The following OR4C11 variants were observed in gnomAD, a reference collection of about 807,000 sequenced individuals.
OR4C11 encodes the protein olfactory receptor family 4 subfamily C member 11, also known as olfactory receptor 4C11.
A neutral mutation model predicts 14.7 loss-of-function variants in OR4C11; 15 were observed. The ratio of observed to expected loss-of-function variants is 1.02; its 90% CI spans 0.68 to 1.58. OR4C11 has a LOEUF of 1.58. Ranked by LOEUF, OR4C11 falls within the 40% of genes most tolerant of loss-of-function variation. OR4C11 has a pLI of 0.00. For synonymous variants in OR4C11, 146 were observed against 135.0 expected, an observed-to-expected ratio of 1.08 and a Z score of -0.57; for missense variants, 473 against 383.0, an observed-to-expected ratio of 1.24 and a Z score of -1.96.
Position 55,605,469 on chromosome 11 carries a change from C to T in OR4C11, c.-206-182G>A, listed in dbSNP as rs555065816. ...TCTTATGAATCCCATATCCTGACTT[C>T]AAGAAAGAGAAGTTAAATATATAAT... On this transcript the variant is annotated intron_variant, in intron 2 of 3. Transcript: ENST00000641580. Among the ~76,000 whole-genome samples the T allele has an allele frequency of 8.7e-5, 12 of 137,786 alleles. 3 individuals carry two copies. The highest frequency in any genetic ancestry group is 2.5e-4 in the African/African-American group (10 of 39,572). The allele number at this position is 137,786 out of a possible 152,430, so 90.4% of individuals were successfully genotyped here.
chr11:55,605,088 C>A (rs1320321753), intron 3 of OR4C11, 38 bp downstream of exon 3: 1 of 138,366 alleles, frequency 7.2e-6, no homozygotes, highest in Non-Finnish European at 1.6e-5. Flanking sequence ...ATTATTTTAA[C>A]CTCTTGCCTT....
intron 2 of OR4C11, among the ~76,000 whole-genome samples, chr11:55,605,604 C>T (rs542451878): frequency 1.4e-5 from 2 of 138,022 alleles, no homozygotes; most frequent in Non-Finnish European, 3.2e-5. Flanking sequence ...AGGGAAGTGT[C>T]AATATGATAA....
In OR4C11 at chr11:55,604,109, T is replaced by C; in HGVS notation, c.265A>G (p.Ile89Val). ...GTCATGCACTCATTGTAGGTTATAA[T>C]TTTCTTTTCAGAGAGAGCATCCACA... is the stretch of plus-strand genomic sequence containing the variant. ...LIVDALSEKK[I>V]ITYNECMTQV... is the part of the protein sequence containing the mutation. Residue 89 changes from isoleucine (I) to valine (V), a missense_variant, in exon 4 of 4, where the codon ATT becomes GTT. Coordinates refer to ENST00000641580, the MANE Select transcript of OR4C11 (RefSeq NM_001004700.3). 6.7e-7 allele frequency: 1 copy of C among 1,483,956 alleles called. No homozygotes were observed. The highest frequency in any genetic ancestry group is 9.2e-7 in the Non-Finnish European group (1 of 1,091,116). The allele number at this position is 1,483,956 out of a possible 1,614,324, so 91.9% of individuals were successfully genotyped here.
In OR4C11 at chr11:55,603,594, CG is replaced by C. The variant is rs764963140; in HGVS notation, c.779del (p.Pro260ArgfsTer28). 2.7e-6 allele frequency: 4 copies of C among 1,483,702 alleles called. 1 individual carries two copies. Among genetic ancestry groups the C allele is most frequent in the Middle Eastern group, 3.8e-4 (2 of 5,276 alleles). 91.9% of individuals were successfully genotyped at this position (1,483,702 alleles called of 1,614,324 possible). ...GPCIFIYTRP[P>X]TTFPMDKMVA... The stretch of plus-strand genomic sequence containing the variant: ...CCATCTTGTCCATGGGGAAAGTGGT[CG>C]GGGGGCGTGTATATATGAATATACA... On this transcript the variant is annotated frameshift_variant, in exon 4 of 4. Coordinates refer to ENST00000641580, the MANE Select transcript of OR4C11 (RefSeq NM_001004700.3). LOFTEE classifies it high-confidence loss of function.
At chr11:55,605,054 C>A (rs1273027772) in intron 3 of OR4C11, 72 bp downstream of exon 3, 2 of 138,422 alleles carry the variant, frequency 1.4e-5, no homozygotes, top group Non-Finnish European at 3.2e-5. Context: ...AGCAAAAAGT[C>A]AATCATTACA....
At chr11:55,606,123 A>T (rs1423041799) in intron 2 of OR4C11, among the ~76,000 whole-genome samples, 1 of 138,428 alleles carries the variant, frequency 7.2e-6, no homozygotes, top group African/African-American at 2.5e-5. Context: ...CAGAAGGGAC[A>T]TTAATGAATC....
rs772717269 is a variant in OR4C11, at chr11:55,604,311, C to T, written c.63G>A (p.Arg21=). 16 of 1,422,900 alleles carry T rather than the reference C, an allele frequency of 1.1e-5. 2 individuals carry two copies. The highest frequency in any genetic ancestry group is 4.2e-5 in the African/African-American group (3 of 71,710). 88.1% of individuals were successfully genotyped at this position (1,422,900 alleles called of 1,614,324 possible). The part of the protein sequence containing the change: ...ILLGLTQDPL[R]QKIVFVIFLI... ...AGAAGATTACAAACACTATTTTCTG[C>T]CTCAAGGGATCCTGTGTTAATCCTA... The change falls in exon 4 of 4, where the codon AGG becomes AGA. Residue 21 remains arginine (R), a synonymous_variant. Transcript: ENST00000641580.
intron 3 of OR4C11, among the ~76,000 whole-genome samples, chr11:55,604,664 A>T (rs1857937816): frequency 7.2e-6 from 1 of 138,368 alleles, no homozygotes; most frequent in Admixed American, 7.9e-5. Context: ...TGAAAATAAT[A>T]CAATTAGAAA....
Position 55,603,304 on chromosome 11 carries a change from G to A in OR4C11, c.*137C>T, listed in dbSNP as rs1857907360. On this transcript the variant is annotated 3_prime_UTR_variant, in exon 4 of 4. Coordinates refer to ENST00000641580, the MANE Select transcript of OR4C11 (RefSeq NM_001004700.3). ...TGGTAGTCACAACTCCTGTTAACTA[G>A]AAAACATAGGAACCCACAAACTTAG... is the stretch of plus-strand genomic sequence containing the variant. 3 of 503,878 alleles carry A rather than the reference G, an allele frequency of 6.0e-6. 1 individual carries two copies. Among genetic ancestry groups the A allele is most frequent in the East Asian group, 7.1e-5 (2 of 28,144 alleles). 31.2% of individuals were successfully genotyped at this position (503,878 alleles called of 1,614,324 possible).
At chr11:55,605,571 T>C (rs1053448341) in intron 2 of OR4C11, among the ~76,000 whole-genome samples, 1 of 138,310 alleles carries the variant, frequency 7.2e-6, no homozygotes, top group African/African-American at 2.5e-5. Flanking sequence ...ATATTCCAAA[T>C]AGCAACACAG....
rs1325274238 is a variant in OR4C11, at chr11:55,607,601, T to C, written c.-679A>G. The stretch of plus-strand genomic sequence containing the variant: ...ATTCAAATGAGAATTTTAAAAGTGC[T>C]TATAAATTAATATATAACTATTCTG... On this transcript the variant is annotated 5_prime_UTR_variant, in exon 1 of 4. Transcript: ENST00000641580. 1 of 138,694 alleles carries C rather than the reference T, an allele frequency of 7.2e-6. No homozygotes were observed. The highest frequency in any genetic ancestry group is 2.5e-5 in the African/African-American group (1 of 39,902). The allele number at this position is 138,694 out of a possible 1,614,324, so 8.6% of individuals were successfully genotyped here. A position where few individuals can be genotyped will look rare whatever the true frequency, so the allele number is the denominator to read the frequency against.
intron 1 of OR4C11, among the ~76,000 whole-genome samples, chr11:55,607,054 A>G (rs1857970630): frequency 7.2e-6 from 1 of 138,710 alleles, no homozygotes; most frequent in African/African-American, 2.5e-5. Flanking sequence ...TTAATGTTTT[A>G]TACTATTTTA....
At position 55,604,436 on chromosome 11, in the gene OR4C11, AATAG is replaced by A; in HGVS notation, c.-44-23_-44-20del. On this transcript the variant is annotated intron_variant, in intron 3 of 3. Transcript: ENST00000641580. Reference sequence around the variant, plus strand: ...AGTTAATCTGCAAAAGAAAAAAAGAAATAGATTCTAAATTTAGAGGTCAAATACA... The same window carrying A: ...AGTTAATCTGCAAAAGAAAAAAAGAAATTCTAAATTTAGAGGTCAAATACA... 1.4e-6 allele frequency: 1 copy of A among 702,052 alleles called. No homozygotes were observed. Among genetic ancestry groups the A allele is most frequent in the Non-Finnish European group, 2.2e-6 (1 of 454,852 alleles). The allele number at this position is 702,052 out of a possible 1,614,324, so 43.5% of individuals were successfully genotyped here.
chr11:55,603,983 G>C lies in OR4C11; in HGVS notation c.391C>G (p.Pro131Ala). 3 of 1,489,578 alleles carry C rather than the reference G, an allele frequency of 2.0e-6. 1 individual carries two copies. The highest frequency in any genetic ancestry group is 2.7e-6 in the Non-Finnish European group (3 of 1,096,242). The allele number at this position is 1,489,578 out of a possible 1,614,324, so 92.3% of individuals were successfully genotyped here. ...CAGACCTGCTGGCTCATGATGGTTG[G>C]GTAACGCAAGGGCTTACAGATGGCC... ...YVAICKPLRY[P>A]TIMSQQVCII... Residue 131 changes from proline to alanine, a missense_variant, in exon 4 of 4, where the codon CCA (proline) becomes GCA (alanine). Transcript: ENST00000641580.
In OR4C11 at chr11:55,604,222, C is replaced by A. The variant is rs140943798; in HGVS notation, c.152G>T (p.Arg51Leu). 2.0e-6 allele frequency: 3 copies of A among 1,479,386 alleles called. No homozygotes were observed. The highest frequency in any genetic ancestry group is 1.4e-5 in the African/African-American group (1 of 72,454). The allele number at this position is 1,479,386 out of a possible 1,614,324, so 91.6% of individuals were successfully genotyped here. ...MLIIVTIKSS[R>L]TLGSPMYFFL... ...GAAGTACATGGGGCTTCCTAGTGTC[C>A]GGCTGGACTTGATGGTCACAATAAT... Residue 51 changes from arginine to leucine, a missense_variant, in exon 4 of 4, where the codon CGG becomes CTG. Coordinates refer to ENST00000641580, the MANE Select transcript of OR4C11 (RefSeq NM_001004700.3).
chr11:55,603,633 TA>T lies in OR4C11; in HGVS notation c.740del (p.Leu247TyrfsTer41). 1 of 1,486,250 alleles carries T rather than the reference TA, an allele frequency of 6.7e-7. No individual in the cohort carries two copies. Among genetic ancestry groups the T allele is most frequent in the Non-Finnish European group, 9.2e-7 (1 of 1,091,966 alleles). 92.1% of individuals were successfully genotyped at this position (1,486,250 alleles called of 1,614,324 possible). On this transcript the variant is annotated frameshift_variant, in exon 4 of 4. Transcript: ENST00000641580. LOFTEE classifies it high-confidence loss of function. ...ATATGAATATACATGGGCCAAAGAA[TA>T]AGATGACTACAATTATGTGAGACGT... The part of the protein sequence containing the change: ...ACTSHIIVVI[L>X]FFGPCIFIYT...
rs1857961352 is a variant in OR4C11 at position 55,606,395 on chromosome 11, G to A, written c.-207+127C>T. ...TATGAAAAAACTATAATGACTCTGA[G>A]CGGGGAAATTGCATTCTTGGCATTA... On this transcript the variant is annotated intron_variant, in intron 2 of 3. Transcript: ENST00000641580. 1.4e-5 allele frequency: 2 copies of A among 138,428 alleles called. 1 individual carries two copies. The highest frequency in any genetic ancestry group is 3.2e-5 in the Non-Finnish European group (2 of 62,218). 8.6% of individuals were successfully genotyped at this position (138,428 alleles called of 1,614,324 possible). A position where few individuals can be genotyped will look rare whatever the true frequency, so the allele number is the denominator to read the frequency against.
Position 55,607,566 on chromosome 11 carries a change from G to A in OR4C11, c.-644C>T, listed in dbSNP as rs1177177044. On this transcript the variant is annotated 5_prime_UTR_variant, in exon 1 of 4. Coordinates refer to ENST00000641580, the MANE Select transcript of OR4C11 (RefSeq NM_001004700.3). ...CCTCTTTTCTTCCCAATATAATTTG[G>A]AGGCTACTTATTCAAATGAGAATTT... The A allele has an allele frequency of 7.2e-6, 1 of 137,948 alleles. No homozygotes were observed. Among genetic ancestry groups the A allele is most frequent in the Non-Finnish European group, 1.6e-5 (1 of 62,138 alleles). 8.5% of individuals were successfully genotyped at this position (137,948 alleles called of 1,614,324 possible).
In OR4C11 at chr11:55,603,136, T is replaced by A; in HGVS notation, c.*305A>T. 1 of 200,034 alleles carries A rather than the reference T, an allele frequency of 5.0e-6. No individual in the cohort carries two copies. The highest frequency in any genetic ancestry group is 9.8e-6 in the Non-Finnish European group (1 of 102,364). 12.4% of individuals were successfully genotyped at this position (200,034 alleles called of 1,614,324 possible). On this transcript the variant is annotated 3_prime_UTR_variant, in exon 4 of 4. Transcript: ENST00000641580. Reference sequence around the variant, plus strand: ...AGTAAGAAAATCAGATGCATTAGATTAGAGTGCATAGAGATAGTCAGGCTT... The same window carrying A: ...AGTAAGAAAATCAGATGCATTAGATAAGAGTGCATAGAGATAGTCAGGCTT...
Sources: gnomAD v4.1 joint callset for allele counts (sites outside exome capture counted in the v4.1 genomes callset) on GRCh38, gnomAD v4.1.1 for gene constraint, MANE v1.5 for transcripts, NCBI Gene and HGNC (gene_info 2026-07-23, HGNC 2026-07-21) for gene names.